Variants in ZNHIT6 observed in about 807,000 individuals in gnomAD.
ZNHIT6 encodes the protein zinc finger HIT-type containing 6.
A neutral mutation model predicts 57.2 loss-of-function variants in ZNHIT6; 45 were observed. The observed-to-expected ratio is 0.79, with a 90% CI of 0.62 to 1.01. ZNHIT6 has a LOEUF of 1.01. ZNHIT6 is among the 50% of genes least tolerant of loss of function. ZNHIT6 has a pLI of 0.00. For synonymous variants in ZNHIT6, 188 were observed against 190.0 expected (o/e 0.99, Z 0.09); for missense variants, 528 against 567.3 (o/e 0.93, Z 0.70).
chr1:85,708,183 C>T lies in ZNHIT6; in HGVS notation c.102G>A (p.Arg34=), dbSNP rs1490405236. ...CGAACTCCTCCGCCCCTGCTAAGTCCCTTACTCCCTCCCTGCCAGGCTCTG... is the reference window on the plus strand; with the variant it reads ...CGAACTCCTCCGCCCCTGCTAAGTCTCTTACTCCCTCCCTGCCAGGCTCTG... ...LSPEPGREGV[R]DLAGAEEFGG... is the part of the protein sequence containing the mutation. Residue 34 remains arginine, a synonymous_variant, in exon 1 of 10, where the codon AGG becomes AGA. Coordinates refer to ENST00000370574, the MANE Select transcript of ZNHIT6 (RefSeq NM_017953.4). The T allele has an allele frequency of 6.2e-7, 1 of 1,614,196 alleles. No homozygotes were observed. Among genetic ancestry groups the T allele is most frequent in the African/African-American group, 1.3e-5 (1 of 75,048 alleles).
chr1:85,650,044 C>G lies in ZNHIT6; in HGVS notation c.*4014G>C, dbSNP rs554796131. ...CAGGGTGCAATGAATGTGTTACTTT[C>G]GTATTCCCAGTAACTACCTTTCCTC... On this transcript the variant is annotated 3_prime_UTR_variant, in exon 10 of 10. Coordinates refer to ENST00000370574, the MANE Select transcript of ZNHIT6 (RefSeq NM_017953.4). 1 of 152,296 alleles carries G rather than the reference C, an allele frequency of 6.6e-6. No homozygotes were observed. The highest frequency in any genetic ancestry group is 2.4e-5 in the African/African-American group (1 of 41,562). The allele number at this position is 152,296 out of a possible 1,614,324, so 9.4% of individuals were successfully genotyped here.
At chr1:85,706,691 TGTTAGTGATATGTAA>T (rs1662695066) in intron 1 of ZNHIT6, among the ~76,000 whole-genome samples, 184 bp from the exon 2 acceptor site, 11 of 152,238 alleles carry the variant, frequency 7.2e-5, no homozygotes, top group Non-Finnish European at 1.5e-5. Flanking sequence ...TTTCCAATGT[TGTTAGTGATATGTAA>T]CTCAGGAAAA....
chr1:85,660,771 A>C (rs905185575), intron 8 of ZNHIT6, among the ~76,000 whole-genome samples: 5 of 152,322 alleles, frequency 3.3e-5, no homozygotes, highest in Middle Eastern at 6.8e-3. Flanking sequence ...CCTGTTTTAC[A>C]TGCTAAGCAG....
At chr1:85,681,947 A>T (rs1661887868) in intron 5 of ZNHIT6, among the ~76,000 whole-genome samples, 1 of 152,034 alleles carries the variant, frequency 6.6e-6, no homozygotes, top group Admixed American at 6.6e-5. Flanking sequence ...GTGAAATAGG[A>T]ATACCATAAT....
intron 8 of ZNHIT6, among the ~76,000 whole-genome samples, chr1:85,662,347 G>C (rs929948994): frequency 1.3e-5 from 2 of 152,012 alleles, no homozygotes; most frequent in African/African-American, 2.4e-5. Flanking sequence ...CTAGGCCACA[G>C]TATTTTTCCA....
intron 5 of ZNHIT6, among the ~76,000 whole-genome samples, chr1:85,684,546 C>G (rs1661971085): frequency 6.6e-6 from 1 of 151,322 alleles, no homozygotes; most frequent in Non-Finnish European, 1.5e-5. Flanking sequence ...CCTTGGGAGG[C>G]AATAATAAAA....
Position 85,708,176 on chromosome 1 carries a change from C to T in ZNHIT6, c.109G>A (p.Ala37Thr). Residue 37 changes from alanine to threonine, a missense_variant, in exon 1 of 10, where the codon GCA (alanine) becomes ACA (threonine). Coordinates refer to ENST00000370574, the MANE Select transcript of ZNHIT6 (RefSeq NM_017953.4). Reference protein sequence around the residue: ...EPGREGVRDLAGAEEFGGGEE... With the variant: ...EPGREGVRDLTGAEEFGGGEE... ...CCGCCGCCGAACTCCTCCGCCCCTG[C>T]TAAGTCCCTTACTCCCTCCCTGCCA... is the stretch of plus-strand genomic sequence containing the variant. The T allele has an allele frequency of 6.2e-7, 1 of 1,614,212 alleles. No individual in the cohort carries two copies. The highest frequency in any genetic ancestry group is 8.5e-7 in the Non-Finnish European group (1 of 1,180,028).
At chr1:85,658,729 G>A (rs920555649) in intron 8 of ZNHIT6, among the ~76,000 whole-genome samples, 9 of 151,798 alleles carry the variant, frequency 5.9e-5, no homozygotes, top group Non-Finnish European at 1.3e-4. Flanking sequence ...AAATTAGCTC[G>A]GCATGGTGGC....
At chr1:85,679,832 G>A (rs1416645381) in intron 6 of ZNHIT6, among the ~76,000 whole-genome samples, 2 of 152,090 alleles carry the variant, frequency 1.3e-5, no homozygotes, top group South Asian at 2.1e-4. Flanking sequence ...CAATCCATCC[G>A]CCTCGACCTC....
At chr1:85,685,228 T>C (rs1661994679) in intron 5 of ZNHIT6, among the ~76,000 whole-genome samples, 1 of 152,170 alleles carries the variant, frequency 6.6e-6, no homozygotes, top group Admixed American at 6.5e-5. Flanking sequence ...TAATGATATA[T>C]ATATAAAATG....
intron 7 of ZNHIT6, among the ~76,000 whole-genome samples, chr1:85,677,595 G>A (rs1297463589): frequency 6.6e-6 from 1 of 152,004 alleles, no homozygotes; most frequent in Non-Finnish European, 1.5e-5. Flanking sequence ...TTGTCTTACT[G>A]GCAAATATAT....
At chr1:85,702,922 T>G (rs1217719270) in intron 4 of ZNHIT6, among the ~76,000 whole-genome samples, 1 of 152,146 alleles carries the variant, frequency 6.6e-6, no homozygotes, top group Non-Finnish European at 1.5e-5. Context: ...AGAAGAAAGA[T>G]CACTCAAATA....
intron 5 of ZNHIT6, among the ~76,000 whole-genome samples, chr1:85,694,375 T>C (rs1662300907): frequency 6.6e-6 from 1 of 152,238 alleles, no homozygotes; most frequent in Admixed American, 6.5e-5. Context: ...GATAAAGCAA[T>C]TATTGTAAAA....
intron 5 of ZNHIT6, among the ~76,000 whole-genome samples, chr1:85,699,763 A>T (rs11161649): frequency 2.6e-5 from 4 of 152,072 alleles, no homozygotes; most frequent in East Asian, 1.9e-4. Context: ...AATTTGTTCA[A>T]GGCTGTTTAA....
chr1:85,679,643 G>T (rs1661811933), intron 6 of ZNHIT6, among the ~76,000 whole-genome samples: 1 of 148,962 alleles, frequency 6.7e-6, no homozygotes, highest in Non-Finnish European at 1.5e-5. Flanking sequence ...GGAGTGCAGT[G>T]GCATGATCTT....
chr1:85,708,012 C>T lies in ZNHIT6; in HGVS notation c.273G>A (p.Arg91=), dbSNP rs758782365. Residue 91 remains arginine (R), a synonymous_variant, in exon 1 of 10, where the codon AGG becomes AGA. Coordinates refer to ENST00000370574, the MANE Select transcript of ZNHIT6 (RefSeq NM_017953.4). ...EIIDWPGTEG[R]LAGQWVEQEV... ...CCTGTTCTACCCACTGGCCAGCCAA[C>T]CTGCCTTCTGTACCTGGCCAGTCTA... 6.2e-6 allele frequency: 10 copies of T among 1,614,066 alleles called. No individual in the cohort carries two copies. Among genetic ancestry groups the T allele is most frequent in the Non-Finnish European group, 7.6e-6 (9 of 1,180,044 alleles).
rs147428326 is a variant in ZNHIT6, at chr1:85,649,908, G to T, written c.*4150C>A. ...TGGCAACTCAAAGCAGCAATAATAA[G>T]AAGAAGAGATTAAAATCTCTAGTTA... is the stretch of plus-strand genomic sequence containing the variant. On this transcript the variant is annotated 3_prime_UTR_variant, in exon 10 of 10. Coordinates refer to ENST00000370574, the MANE Select transcript of ZNHIT6 (RefSeq NM_017953.4). The T allele has an allele frequency of 1.1e-4, 16 of 151,668 alleles. No homozygotes were observed. Among genetic ancestry groups the T allele is most frequent in the Admixed American group, 2.0e-4 (3 of 15,226 alleles). 9.4% of individuals were successfully genotyped at this position (151,668 alleles called of 1,614,324 possible). A position where few individuals can be genotyped will look rare whatever the true frequency, so the allele number is the denominator to read the frequency against.
chr1:85,685,912 C>T (rs899947885), intron 5 of ZNHIT6, among the ~76,000 whole-genome samples: 1 of 151,592 alleles, frequency 6.6e-6, no homozygotes, highest in Non-Finnish European at 1.5e-5. Flanking sequence ...TGGGCGCATA[C>T]AGGATGGCAG....
intron 5 of ZNHIT6, among the ~76,000 whole-genome samples, 156 bp downstream of exon 5, chr1:85,702,001 C>T (rs1455537992): frequency 1.3e-5 from 2 of 152,038 alleles, no homozygotes; most frequent in African/African-American, 2.4e-5. Context: ...ATTAGAGTTA[C>T]ATGACATACA....
Sources: gnomAD v4.1 joint callset for allele counts (sites outside exome capture counted in the v4.1 genomes callset) on GRCh38, gnomAD v4.1.1 for gene constraint, MANE v1.5 for transcripts, NCBI Gene and HGNC (gene_info 2026-07-23, HGNC 2026-07-21) for gene names.